Variants in STON2 observed in about 807,000 individuals in gnomAD.
STON2 encodes the protein stonin 2.
A neutral mutation model predicts 65.7 loss-of-function variants in STON2; 29 were observed. That is an observed-to-expected ratio of 0.44 (90% CI 0.33 to 0.60). The LOEUF is 0.60. Among genes scored for constraint, STON2 ranks in the 20% least tolerant of loss-of-function variants. The pLI is 0.03. For synonymous variants in STON2, 404 were observed against 414.2 expected (o/e 0.98, Z 0.30); for missense variants, 1,054 against 1,118.1 (o/e 0.94, Z 0.82).
intron 5 of STON2, among the ~76,000 whole-genome samples, chr14:81,287,992 C>A: frequency 6.6e-6 from 1 of 152,192 alleles, no homozygotes; most frequent in Non-Finnish European, 1.5e-5. Context: ...AGTTCCCCAG[C>A]AGAGGTCTCA....
At chr14:81,292,898 C>T (rs1304993749) in intron 5 of STON2, among the ~76,000 whole-genome samples, 1 of 152,196 alleles carries the variant, frequency 6.6e-6, no homozygotes, top group Non-Finnish European at 1.5e-5. Context: ...GTGAACAATA[C>T]AGAGAGAAGG....
Position 81,371,027 on chromosome 14 carries a change from C to G in STON2, c.532G>C (p.Glu178Gln). 4 of 1,613,398 alleles carry G rather than the reference C, an allele frequency of 2.5e-6. No homozygotes were observed. The Admixed American group carries it at 6.7e-5, about 27-fold the overall frequency. ...CCAGAAGCCTGGCCACTCGTCTGCT[C>G]CTCAGCATTGATGAGCTGCAGATCT... is the stretch of plus-strand genomic sequence containing the variant. ...YTDLQLINAE[E>Q]QTSGQASGAD... Residue 178 changes from glutamate to glutamine, a missense_variant, in exon 4 of 8, where the codon GAG becomes CAG. Physicochemically the swap from Glu to Gln is conservative, Grantham distance 29. Coordinates refer to ENST00000614646, the MANE Select transcript of STON2 (RefSeq NM_001394390.1).
chr14:81,394,107 C>T (rs555475663), intron 3 of STON2, among the ~76,000 whole-genome samples: 23 of 152,196 alleles, frequency 1.5e-4, no homozygotes, highest in Admixed American at 1.4e-3. Flanking sequence ...CTGAGAATTG[C>T]TTGAACCTCA....
intron 5 of STON2, among the ~76,000 whole-genome samples, chr14:81,282,350 G>T (rs968061082): frequency 1.9e-4 from 29 of 152,158 alleles, no homozygotes; most frequent in African/African-American, 7.0e-4. Flanking sequence ...AATTGCCTGC[G>T]TTTCAATTCC....
chr14:81,410,278 CAAAAAAAAAAAAAAAAAAA>C, intron 2 of STON2, among the ~76,000 whole-genome samples: 1 of 45,798 alleles, frequency 2.2e-5, no homozygotes, highest in Non-Finnish European at 4.9e-5. Context: ...TAACTCTAAC[CAAAAAAAAAAAAAAAAAAA>C]AAAAAAAAAA....
At chr14:81,373,966 T>C (rs11848236) in intron 3 of STON2, among the ~76,000 whole-genome samples, 1,923 of 150,542 alleles carry the variant, frequency 0.013, 47 homozygotes, top group African/African-American at 0.045. Context: ...AGTAGCCTCA[T>C]GTATCTAGGA....
Position 81,278,366 on chromosome 14 carries a change from G to C in STON2, c.1116C>G (p.Phe372Leu). The change falls in exon 6 of 8, where the codon TTC becomes TTG. Residue 372 changes from phenylalanine to leucine, a missense_variant. Coordinates refer to ENST00000614646, the MANE Select transcript of STON2 (RefSeq NM_001394390.1). ...GTACATCCTGCAGAGTCTCATTCAGGAAAGGGTTGGTTGCCCTCCAAGGTG... is the reference window on the plus strand; with the variant it reads ...GTACATCCTGCAGAGTCTCATTCAGCAAAGGGTTGGTTGCCCTCCAAGGTG... ...EASPWRATNPFLNETLQDVQP... is the reference protein window; with the variant it reads ...EASPWRATNPLLNETLQDVQP... The C allele has an allele frequency of 6.2e-7, 1 of 1,614,246 alleles. No homozygotes were observed. Among genetic ancestry groups the C allele is most frequent in the Non-Finnish European group, 8.5e-7 (1 of 1,180,054 alleles).
chr14:81,356,919 C>A (rs1898262651), intron 4 of STON2, among the ~76,000 whole-genome samples: 1 of 151,968 alleles, frequency 6.6e-6, no homozygotes, highest in African/African-American at 2.4e-5. Context: ...ATTAGTCTTG[C>A]TAGCTGTCTA....
chr14:81,350,482 G>GAAGA (rs1897982584), intron 4 of STON2, among the ~76,000 whole-genome samples: 5 of 138,954 alleles, frequency 3.6e-5, no homozygotes, highest in African/African-American at 1.3e-4. Context: ...TTCAGAAGAA[G>GAAGA]AAAAAAAAAA....
chr14:81,307,335 T>C (rs1428980894), intron 5 of STON2, among the ~76,000 whole-genome samples: 2 of 152,192 alleles, frequency 1.3e-5, no homozygotes, highest in Admixed American at 6.5e-5. Flanking sequence ...AAAATCTTCA[T>C]TCCTTGAGGC....
chr14:81,420,047 G>A (rs1024292463), intron 2 of STON2, among the ~76,000 whole-genome samples: 2 of 152,120 alleles, frequency 1.3e-5, no homozygotes, highest in Non-Finnish European at 2.9e-5. Context: ...ACACCATGTT[G>A]GCCCAACTCC....
At chr14:81,420,885 C>A (rs955107295) in intron 2 of STON2, among the ~76,000 whole-genome samples, 2 of 152,202 alleles carry the variant, frequency 1.3e-5, no homozygotes, top group East Asian at 3.8e-4. Flanking sequence ...CTGATTCCTA[C>A]GTCCACCCCC....
At chr14:81,334,724 G>A (rs529306237) in intron 4 of STON2, among the ~76,000 whole-genome samples, 4 of 152,300 alleles carry the variant, frequency 2.6e-5, no homozygotes, top group African/African-American at 9.6e-5. Flanking sequence ...GCAGAAATAG[G>A]GCAGAAGGGT....
At chr14:81,310,091 T>C (rs1896365279) in intron 5 of STON2, among the ~76,000 whole-genome samples, 2 of 152,210 alleles carry the variant, frequency 1.3e-5, no homozygotes. Context: ...ATTCATCTTG[T>C]CTTTAAAACC....
intron 2 of STON2, among the ~76,000 whole-genome samples, chr14:81,420,034 T>G (rs1428975037): frequency 1.3e-5 from 2 of 152,090 alleles, no homozygotes; most frequent in East Asian, 1.9e-4. Context: ...TTGGTCAGAG[T>G]TCACACCATG....
intron 4 of STON2, among the ~76,000 whole-genome samples, chr14:81,362,809 T>C (rs1241492416): frequency 6.6e-6 from 1 of 152,198 alleles, no homozygotes; most frequent in Non-Finnish European, 1.5e-5. Flanking sequence ...GATTAATTTA[T>C]TCCACAAAAA....
rs765300058 is a variant in STON2, at chr14:81,395,797, G to A, written c.373+97C>T. The stretch of plus-strand genomic sequence containing the variant: ...TGCGACCAGTGCTTCAGGGTTAGGG[G>A]GCAGATGAAATGGAATCCTGGCAGC... On this transcript the variant is annotated intron_variant, in intron 3 of 7. Transcript: ENST00000614646. 2.4e-6 allele frequency: 3 copies of A among 1,246,746 alleles called. No individual in the cohort carries two copies. The South Asian group carries it at 4.1e-5, about 17-fold the overall frequency. The allele number at this position is 1,246,746 out of a possible 1,614,324, so 77.2% of individuals were successfully genotyped here.
chr14:81,316,993 C>A (rs1018804963), intron 5 of STON2, among the ~76,000 whole-genome samples: 1 of 151,996 alleles, frequency 6.6e-6, no homozygotes, highest in African/African-American at 2.4e-5. Flanking sequence ...GCACTCCAGC[C>A]TGGGTGATAG....
chr14:81,285,645 C>T (rs1449863612), intron 5 of STON2, among the ~76,000 whole-genome samples: 2 of 152,072 alleles, frequency 1.3e-5, no homozygotes, highest in Admixed American at 6.6e-5. Context: ...AAAGTATTTT[C>T]TTGAGATAGA....
Sources: gnomAD v4.1 joint callset for allele counts (sites outside exome capture counted in the v4.1 genomes callset) on GRCh38, gnomAD v4.1.1 for gene constraint, MANE v1.5 for transcripts, NCBI Gene and HGNC (gene_info 2026-07-23, HGNC 2026-07-21) for gene names.